Variants in AKAP6 observed in about 807,000 individuals in gnomAD.
The protein encoded by AKAP6 is A-kinase anchoring protein 6.
Under a neutral mutation model 188.5 loss-of-function variants are expected in AKAP6, and 58 were observed. That is an observed-to-expected ratio of 0.31 (90% CI 0.25 to 0.38). The LOEUF is 0.38. Ranked by LOEUF, AKAP6 falls within the 10% of genes least tolerant of loss-of-function variation. The probability of loss-of-function intolerance (pLI) is 1.00; values close to 1 mark genes in which losing one functional copy is unlikely to be tolerated. For synonymous variants in AKAP6, 989 were observed against 998.6 expected, an observed-to-expected ratio of 0.99 and a Z score of 0.18; for missense variants, 2,710 against 2,740.0, an observed-to-expected ratio of 0.99 and a Z score of 0.24.
chr14:32,800,587 C>T (rs138812154), intron 12 of AKAP6, among the ~76,000 whole-genome samples: 238 of 152,118 alleles, frequency 1.6e-3, no homozygotes, highest in African/African-American at 5.4e-3. Context: ...TCATTGTCCC[C>T]GATAATTTTC....
At chr14:32,477,941 AT>A (rs5807661) in intron 2 of AKAP6, among the ~76,000 whole-genome samples, 40,668 of 152,008 alleles carry the variant, frequency 0.27, 5,889 homozygotes, top group Non-Finnish European at 0.31. Flanking sequence ...TATTTGTGAA[AT>A]TGCTTAAAAT....
chr14:32,772,554 A>G (rs1283371790), intron 11 of AKAP6, among the ~76,000 whole-genome samples: 2 of 152,196 alleles, frequency 1.3e-5, no homozygotes, highest in Non-Finnish European at 2.9e-5. Context: ...AGCATGCATT[A>G]TATCAGTAAG....
intron 12 of AKAP6, among the ~76,000 whole-genome samples, chr14:32,801,057 G>A (rs763652860): frequency 2.0e-5 from 3 of 152,038 alleles, no homozygotes; most frequent in Admixed American, 6.6e-5. Context: ...TGTATAGACA[G>A]CATATAGTTG....
intron 1 of AKAP6, among the ~76,000 whole-genome samples, chr14:32,393,033 T>C (rs766619135): frequency 2.6e-5 from 4 of 152,122 alleles, no homozygotes; most frequent in South Asian, 2.1e-4. Flanking sequence ...ATAATAGTTA[T>C]AGCAAGAATC....
intron 5 of AKAP6, among the ~76,000 whole-genome samples, chr14:32,584,330 G>A (rs11626416): frequency 0.095 from 14,526 of 152,196 alleles, 984 homozygotes; most frequent in Admixed American, 0.19. Context: ...GATGATTCAC[G>A]CCCCAGGTGG....
intron 1 of AKAP6, among the ~76,000 whole-genome samples, chr14:32,381,585 G>C (rs940562547): frequency 6.6e-6 from 1 of 152,100 alleles, no homozygotes; most frequent in Non-Finnish European, 1.5e-5. Context: ...AGAAAAATAA[G>C]ACTAAGATCT....
intron 9 of AKAP6, among the ~76,000 whole-genome samples, chr14:32,711,617 C>A (rs1033591799): frequency 3.3e-5 from 5 of 152,064 alleles, no homozygotes; most frequent in African/African-American, 1.2e-4. Context: ...GAAGCTTCCT[C>A]AGGAAAAGAC....
At chr14:32,349,383 G>GC (rs1887185301) in intron 1 of AKAP6, among the ~76,000 whole-genome samples, 1 of 152,176 alleles carries the variant, frequency 6.6e-6, no homozygotes, top group Non-Finnish European at 1.5e-5. Context: ...CTGCATAGAT[G>GC]CTTGGAAAGG....
intron 5 of AKAP6, among the ~76,000 whole-genome samples, chr14:32,594,254 T>C (rs186029939): frequency 6.6e-6 from 1 of 152,324 alleles, no homozygotes; most frequent in Admixed American, 6.5e-5. Flanking sequence ...TAACTCCAAG[T>C]TCAACCCTGT....
chr14:32,738,888 T>C (rs770784459), intron 11 of AKAP6, among the ~76,000 whole-genome samples: 1 of 152,164 alleles, frequency 6.6e-6, no homozygotes, highest in Non-Finnish European at 1.5e-5. Flanking sequence ...TGAATAAGTA[T>C]GGCTGTGTTC....
chr14:32,732,141 A>G (rs1260395313), intron 9 of AKAP6, among the ~76,000 whole-genome samples: 1 of 152,024 alleles, frequency 6.6e-6, no homozygotes, highest in African/African-American at 2.4e-5. Flanking sequence ...GCCAAAATTA[A>G]CTGTAATATT....
chr14:32,390,324 C>T (rs993886201), intron 1 of AKAP6, among the ~76,000 whole-genome samples: 1 of 152,190 alleles, frequency 6.6e-6, no homozygotes, highest in Non-Finnish European at 1.5e-5. Flanking sequence ...AGCTTAATAA[C>T]TAACCTCCTG....
At chr14:32,739,012 G>A (rs1049606717) in intron 11 of AKAP6, among the ~76,000 whole-genome samples, 1 of 152,078 alleles carries the variant, frequency 6.6e-6, no homozygotes, top group Non-Finnish European at 1.5e-5. Flanking sequence ...ATAAGCATGG[G>A]AATAGATACA....
chr14:32,702,378 G>T, intron 9 of AKAP6, among the ~76,000 whole-genome samples: 2 of 151,526 alleles, frequency 1.3e-5, no homozygotes, highest in South Asian at 2.1e-4. Flanking sequence ...ATCAGTGTTT[G>T]CTATGAATAC....
intron 11 of AKAP6, among the ~76,000 whole-genome samples, chr14:32,758,334 C>T (rs975175243): frequency 1.3e-5 from 2 of 152,204 alleles, no homozygotes; most frequent in African/African-American, 2.4e-5. Context: ...TAACGTTGAA[C>T]CATTGGTTTC....
rs200712514 is a variant in AKAP6 at position 32,433,731 on chromosome 14, A to T, written c.238A>T (p.Thr80Ser). 74 of 1,614,056 alleles carry T rather than the reference A, an allele frequency of 4.6e-5. No individual in the cohort carries two copies. In the Middle Eastern group the frequency reaches 1.5e-3, roughly 32 times the overall value. Reference sequence around the variant, plus strand: ...TGAAATTGAGACCTGGCTCCGGATGACCTCAGAGAGGGTCCGAGACCTAAC... The same window carrying T: ...TGAAATTGAGACCTGGCTCCGGATGTCCTCAGAGAGGGTCCGAGACCTAAC... ...LPEIETWLRM[T>S]SERVRDLTYS... Residue 80 changes from threonine (T) to serine (S), a missense_variant, in exon 2 of 14, where the codon ACC becomes TCC. Transcript: ENST00000280979.
chr14:32,772,133 G>T (rs2032918238), intron 11 of AKAP6, among the ~76,000 whole-genome samples: 1 of 152,062 alleles, frequency 6.6e-6, no homozygotes, highest in Non-Finnish European at 1.5e-5. Flanking sequence ...GGGTTGAGGG[G>T]AGACATTTGA....
chr14:32,799,194 C>T (rs1380982977), intron 12 of AKAP6, among the ~76,000 whole-genome samples: 1 of 152,166 alleles, frequency 6.6e-6, no homozygotes, highest in Non-Finnish European at 1.5e-5. Context: ...TGCTCTCCTC[C>T]TTTTCAGCAA....
intron 2 of AKAP6, chr14:32,495,155 T>G (rs1438797592): frequency 1.3e-5 from 2 of 152,166 alleles, no homozygotes; most frequent in African/African-American, 4.8e-5. Context: ...AGACCTTAAG[T>G]GTTCAGGTAT....
Sources: allele counts gnomAD v4.1 joint callset (sites outside exome capture counted in the v4.1 genomes callset), GRCh38; gene constraint gnomAD v4.1.1; transcripts MANE v1.5; gene names NCBI Gene and HGNC (gene_info 2026-07-23, HGNC 2026-07-21).